INSC: variants seen among roughly 807,000 people sequenced by gnomAD.
INSC encodes INSC spindle orientation adaptor protein.
INSC carries 67 observed loss-of-function variants against 58.6 expected under a neutral mutation model. The ratio of observed to expected loss-of-function variants is 1.14; its 90% CI spans 0.94 to 1.40. INSC has a LOEUF of 1.40. INSC is among the 40% of genes most tolerant of loss of function. The pLI is 0.00. For synonymous variants in INSC, 262 were observed against 276.1 expected, an observed-to-expected ratio of 0.95 and a Z score of 0.51; for missense variants, 714 against 692.0, an observed-to-expected ratio of 1.03 and a Z score of -0.36.
At chr11:15,130,764 G>A (rs1025552034) in intron 1 of INSC, among the ~76,000 whole-genome samples, 10 of 151,896 alleles carry the variant, frequency 6.6e-5, no homozygotes, top group African/African-American at 2.2e-4. Context: ...ATTTTTTCTT[G>A]AATCAATTTT....
intron 1 of INSC, among the ~76,000 whole-genome samples, chr11:15,126,671 CTA>C (rs1021176344): frequency 1.3e-5 from 2 of 152,150 alleles, no homozygotes; most frequent in Admixed American, 1.3e-4. Flanking sequence ...GGAGGAATTT[CTA>C]TGTTTTATTT....
intron 7 of INSC, among the ~76,000 whole-genome samples, chr11:15,206,289 G>A (rs1281904631): frequency 6.6e-6 from 1 of 152,202 alleles, no homozygotes; most frequent in Non-Finnish European, 1.5e-5. Flanking sequence ...CAGCACCAAA[G>A]AGGCAATGAA....
chr11:15,253,359 C>T, the INSC span, among the ~76,000 whole-genome samples: 4 of 152,124 alleles, frequency 2.6e-5, no homozygotes, highest in Admixed American at 6.6e-5. Flanking sequence ...CGTTGAGACA[C>T]AAATGACACT....
chr11:15,200,723 C>T (rs1446223747), intron 6 of INSC, 101 bp from the exon 7 acceptor site: 4 of 1,537,162 alleles, frequency 2.6e-6, no homozygotes, highest in Non-Finnish European at 3.5e-6. Flanking sequence ...GCAGGGAGGA[C>T]CCGAAAGCAT....
chr11:15,158,538 A>C (rs80305551), intron 2 of INSC, among the ~76,000 whole-genome samples: 5,102 of 152,156 alleles, frequency 0.034, 276 homozygotes, highest in African/African-American at 0.12. Context: ...TCCCAGGCGA[A>C]GTCAGGCCCT....
chr11:15,118,202 TTA>T (rs1847781729), intron 1 of INSC, among the ~76,000 whole-genome samples: 2 of 152,118 alleles, frequency 1.3e-5, no homozygotes, highest in African/African-American at 2.4e-5. Context: ...ATGAAGGGCT[TTA>T]CTGCCTCCTT....
upstream of INSC, chr11:15,114,868 G>T (rs1406296149): frequency 1.5e-5 from 13 of 894,182 alleles, no homozygotes; most frequent in East Asian, 6.0e-4. Flanking sequence ...AGAACGGGGC[G>T]GGGGGTGGGG....
At chr11:15,112,646 G>GT (rs1188118048), upstream of INSC, 4 of 313,416 alleles carry the variant, frequency 1.3e-5, no homozygotes, top group Admixed American at 7.4e-5. Context: ...GTATTGGGAA[G>GT]TGGGGGGGGG....
chr11:15,268,426 A>C, the INSC span, among the ~76,000 whole-genome samples: 1 of 152,110 alleles, frequency 6.6e-6, no homozygotes, highest in African/African-American at 2.4e-5. Context: ...AAATAGACTC[A>C]GACTGTTCCA....
intron 7 of INSC, among the ~76,000 whole-genome samples, chr11:15,211,748 A>G (rs1564906016): frequency 6.6e-6 from 1 of 152,068 alleles, no homozygotes; most frequent in Admixed American, 6.5e-5. Flanking sequence ...TGGATACCCA[A>G]TTGAGCCAGC....
At chr11:15,265,547 A>G in the INSC span, among the ~76,000 whole-genome samples, 5 of 151,412 alleles carry the variant, frequency 3.3e-5, no homozygotes, top group African/African-American at 1.2e-4. Flanking sequence ...TTCGTGTTTC[A>G]ATTACTTATT....
chr11:15,256,777 T>C, the INSC span, among the ~76,000 whole-genome samples: 1 of 152,132 alleles, frequency 6.6e-6, no homozygotes, highest in African/African-American at 2.4e-5. Flanking sequence ...GGTGAGGCAC[T>C]GCACCTGGCC....
chr11:15,112,656 G>GA, upstream of INSC: 1 of 239,638 alleles, frequency 4.2e-6, no homozygotes, highest in Non-Finnish European at 8.2e-6. Context: ...GTGGGGGGGG[G>GA]GCATTTATGC....
the INSC span, among the ~76,000 whole-genome samples, chr11:15,260,364 T>G: frequency 3.3e-5 from 5 of 152,170 alleles, no homozygotes; most frequent in Admixed American, 2.0e-4. Flanking sequence ...TGATCTAATT[T>G]ATTCATTTTG....
intron 4 of INSC, among the ~76,000 whole-genome samples, chr11:15,177,956 C>T (rs1849630089): frequency 6.6e-6 from 1 of 152,238 alleles, no homozygotes; most frequent in Admixed American, 6.5e-5. Flanking sequence ...CAATACCTGG[C>T]ACTTGGCACC....
chr11:15,198,283 A>G (rs1850444768), intron 6 of INSC, among the ~76,000 whole-genome samples: 1 of 152,192 alleles, frequency 6.6e-6, no homozygotes, highest in African/African-American at 2.4e-5. Context: ...AAACTTAACC[A>G]GCAGCAAAGC....
At chr11:15,266,243 T>C in the INSC span, among the ~76,000 whole-genome samples, 1 of 151,682 alleles carries the variant, frequency 6.6e-6, no homozygotes, top group African/African-American at 2.4e-5. Context: ...AAGATCAATA[T>C]GATGTGATCT....
chr11:15,117,930 C>T (rs925107527), intron 1 of INSC, among the ~76,000 whole-genome samples: 3 of 152,160 alleles, frequency 2.0e-5, no homozygotes, highest in Non-Finnish European at 4.4e-5. Flanking sequence ...ACCCCCTGCT[C>T]CGAGTGTTTC....
intron 1 of INSC, among the ~76,000 whole-genome samples, chr11:15,130,232 T>C (rs1848094193): frequency 6.6e-6 from 1 of 152,240 alleles, no homozygotes. Context: ...ATATTTTTCT[T>C]GGTAGATGAC....
Sources: gnomAD v4.1 joint callset for allele counts (sites outside exome capture counted in the v4.1 genomes callset) on GRCh38, gnomAD v4.1.1 for gene constraint, MANE v1.5 for transcripts, NCBI Gene and HGNC (gene_info 2026-07-23, HGNC 2026-07-21) for gene names.